Variants in ITGA4 observed in about 807,000 individuals in gnomAD.
ITGA4 encodes the protein integrin alpha-4.
ITGA4 carries 63 observed loss-of-function variants against 133.6 expected under a neutral mutation model. That is an observed-to-expected ratio of 0.47 (90% CI 0.38 to 0.58). ITGA4 has a LOEUF of 0.58. Among genes scored for constraint, ITGA4 ranks in the 20% least tolerant of loss-of-function variants. ITGA4 has a pLI of 0.00. For synonymous variants in ITGA4, 483 were observed against 438.0 expected, an observed-to-expected ratio of 1.10 and a Z score of -1.28; for missense variants, 1,076 against 1,252.7, an observed-to-expected ratio of 0.86 and a Z score of 2.13.
chr2:181,534,603 AG>A (rs17838557), intron 26 of ITGA4, among the ~76,000 whole-genome samples: 15,541 of 151,962 alleles, frequency 0.1, 1,024 homozygotes, highest in East Asian at 0.22. Flanking sequence ...AATAGATTGG[AG>A]GAAAAGTCAT....
intron 9 of ITGA4, among the ~76,000 whole-genome samples, chr2:181,483,288 C>G (rs1305830321): frequency 1.3e-5 from 2 of 152,158 alleles, no homozygotes; most frequent in Admixed American, 1.3e-4. Flanking sequence ...CTTGATAATT[C>G]AAAGACTTCT....
In ITGA4 at chr2:181,537,760, A is replaced by AT. The variant is rs1051278515; in HGVS notation, c.*2234dup. On this transcript the variant is annotated 3_prime_UTR_variant, in exon 28 of 28. Transcript: ENST00000397033. ...ATTGTAAAAAAAAGAATTTGAATTGATATCTAAAAACAGAATTTGAATTGA... is the reference window on the plus strand; with the variant it reads ...ATTGTAAAAAAAAGAATTTGAATTGATTATCTAAAAACAGAATTTGAATTGA... 2 of 446,404 alleles carry AT rather than the reference A, an allele frequency of 4.5e-6. No homozygotes were observed. The highest frequency in any genetic ancestry group is 2.0e-5 in the African/African-American group (1 of 49,512). The allele number at this position is 446,404 out of a possible 1,614,324, so 27.7% of individuals were successfully genotyped here. A position where few individuals can be genotyped will look rare whatever the true frequency, so the allele number is the denominator to read the frequency against.
chr2:181,464,066 G>A (rs143119801), intron 2 of ITGA4, among the ~76,000 whole-genome samples: 128 of 152,116 alleles, frequency 8.4e-4, no homozygotes, highest in African/African-American at 2.8e-3. Flanking sequence ...CCATGCTTGA[G>A]AACCGCTGGA....
intron 2 of ITGA4, among the ~76,000 whole-genome samples, chr2:181,461,586 A>G (rs2052758360): frequency 6.6e-6 from 1 of 152,198 alleles, no homozygotes; most frequent in Non-Finnish European, 1.5e-5. Context: ...TGACTCAATT[A>G]ATATAGTTAA....
intron 4 of ITGA4, among the ~76,000 whole-genome samples, chr2:181,478,122 C>G (rs1164931580): frequency 6.6e-6 from 1 of 151,922 alleles, no homozygotes; most frequent in Non-Finnish European, 1.5e-5. Flanking sequence ...AAGCTAGGCC[C>G]AGAAAGACAA....
chr2:181,504,655 A>G (rs1686355619), intron 15 of ITGA4, among the ~76,000 whole-genome samples: 1 of 152,090 alleles, frequency 6.6e-6, no homozygotes, highest in African/African-American at 2.4e-5. Context: ...ATTAGATTGC[A>G]AGATCTTTGA....
chr2:181,458,210 C>G lies in ITGA4; in HGVS notation c.212C>G (p.Ala71Gly). 1 of 1,613,938 alleles carries G rather than the reference C, an allele frequency of 6.2e-7. No homozygotes were observed. The highest frequency in any genetic ancestry group is 8.5e-7 in the Non-Finnish European group (1 of 1,179,916). ...TCTCGCTTTAGGCTCCTAGTGGGTG[C>G]GCCCACTGCCAACTGGCTCGCCAAC... The part of the protein sequence containing the change: ...HGANRWLLVG[A>G]PTANWLANAS... The change falls in exon 2 of 28, where the codon GCG becomes GGG. Residue 71 changes from alanine to glycine, a missense_variant. Around this residue, in one of 4 missense-constraint regions of ITGA4, gnomAD observed 436 missense variants for 590.7 expected, o/e 0.74. Coordinates refer to ENST00000397033, the MANE Select transcript of ITGA4 (RefSeq NM_000885.6).
At chr2:181,494,395 C>T (rs1242274770) in intron 11 of ITGA4, among the ~76,000 whole-genome samples, 1 of 152,152 alleles carries the variant, frequency 6.6e-6, no homozygotes, top group Non-Finnish European at 1.5e-5. Context: ...CTGCTTGAAC[C>T]CAGGAGTTCA....
At chr2:181,492,338 C>A (rs1173229457) in intron 10 of ITGA4, among the ~76,000 whole-genome samples, 1 of 152,176 alleles carries the variant, frequency 6.6e-6, no homozygotes, top group Non-Finnish European at 1.5e-5. Context: ...CATTGTTTAG[C>A]ATGGAGTTAT....
In ITGA4 at chr2:181,530,214, C is replaced by T. The variant is rs879819921; in HGVS notation, c.2539-310C>T. Among the ~76,000 whole-genome samples the T allele has an allele frequency of 2.2e-4, 34 of 152,304 alleles. No homozygotes were observed. The East Asian group carries it at 5.6e-3, about 25-fold the overall frequency. ...AGAAGAATATGGTGTTATATTGTTT[C>T]GCCTATAAAGGCAAAGAAATATTTA... On this transcript the variant is annotated intron_variant, in intron 23 of 27. Coordinates refer to ENST00000397033, the MANE Select transcript of ITGA4 (RefSeq NM_000885.6).
At chr2:181,511,813 A>AG in intron 17 of ITGA4, 38 bp downstream of exon 17, 1 of 986,016 alleles carries the variant, frequency 1.0e-6, no homozygotes, top group Admixed American at 1.8e-5. Context: ...TTATTCATCG[A>AG]GAGGGTGTAA....
At chr2:181,507,719 T>C (rs1686422332) in intron 15 of ITGA4, among the ~76,000 whole-genome samples, 1 of 152,112 alleles carries the variant, frequency 6.6e-6, no homozygotes, top group Non-Finnish European at 1.5e-5. Context: ...GTAAATGCTA[T>C]GTAAATACTT....
At chr2:181,534,239 C>G (rs536055459) in intron 25 of ITGA4, 33 bp from the exon 26 acceptor site, 23 of 1,262,542 alleles carry the variant, frequency 1.8e-5, no homozygotes, top group Non-Finnish European at 2.5e-5. Flanking sequence ...ATGAAATAAA[C>G]CAGGCTATGG....
rs1685521119 is a variant in ITGA4, at chr2:181,470,440, C to CT, written c.320-4519dup. ...TATTGTTCACAAGCCCAACCATATG[C>CT]TACAACTACCTGGGGGGCTTCAAAA... is the stretch of plus-strand genomic sequence containing the variant. On this transcript the variant is annotated intron_variant, in intron 2 of 27. Coordinates refer to ENST00000397033, the MANE Select transcript of ITGA4 (RefSeq NM_000885.6). Among the ~76,000 whole-genome samples, 9 of 152,204 alleles carry CT rather than the reference C, an allele frequency of 5.9e-5. No individual in the cohort carries two copies. The South Asian group carries it at 1.9e-3, about 32-fold the overall frequency.
intron 17 of ITGA4, among the ~76,000 whole-genome samples, chr2:181,517,543 A>G (rs1241728826): frequency 6.6e-6 from 1 of 152,074 alleles, no homozygotes; most frequent in African/African-American, 2.4e-5. Context: ...TGTTTTAATG[A>G]AGAATGAACT....
chr2:181,529,684 G>A (rs1363623173), intron 23 of ITGA4, 36 bp downstream of exon 23: 1 of 1,066,828 alleles, frequency 9.4e-7, no homozygotes, highest in Middle Eastern at 2.0e-4. Context: ...CCTTTATTGT[G>A]TGTCTTAAAT....
rs771480821 is a variant in ITGA4 at position 181,509,797 on chromosome 2, T to G, written c.1835T>G (p.Met612Arg). The change falls in exon 16 of 28, where the codon ATG becomes AGG. Residue 612 changes from methionine (M) to arginine (R), a missense_variant. Met to Arg is a moderately conservative substitution (Grantham distance 91). Coordinates refer to ENST00000397033, the MANE Select transcript of ITGA4 (RefSeq NM_000885.6). Reference sequence around the variant, plus strand: ...CAGCAGAAGAAAGAAAAAGACATAATGAAAAAAACAGTAGGAATATTTTCC... The same window carrying G: ...CAGCAGAAGAAAGAAAAAGACATAAGGAAAAAAACAGTAGGAATATTTTCC... ...ILQQKKEKDIMKKTINFARFC... is the reference protein window; with the variant it reads ...ILQQKKEKDIRKKTINFARFC... 2 of 1,602,020 alleles carry G rather than the reference T, an allele frequency of 1.2e-6. No homozygotes were observed. The highest frequency in any genetic ancestry group is 2.7e-5 in the African/African-American group (2 of 74,150).
At chr2:181,512,298 G>A (rs1686521982) in intron 17 of ITGA4, among the ~76,000 whole-genome samples, 1 of 152,170 alleles carries the variant, frequency 6.6e-6, no homozygotes, top group South Asian at 2.1e-4. Context: ...CAGTGACAGG[G>A]CAGGGAAACG....
rs1331204395 is a variant in ITGA4, at chr2:181,480,121, T to TA, written c.625-16_625-15insA. 1.0e-5 allele frequency: 16 copies of TA among 1,538,272 alleles called. No individual in the cohort carries two copies. The highest frequency in any genetic ancestry group is 1.3e-5 in the Non-Finnish European group (15 of 1,148,884). Reference sequence around the variant, plus strand: ...AGATTAAAGTTTAAATAATAATAGTTTTTTTTTTCTTACAGGATTTAATTG... The same window carrying TA: ...AGATTAAAGTTTAAATAATAATAGTTATTTTTTTTCTTACAGGATTTAATTG... On this transcript the variant is annotated splice_polypyrimidine_tract_variant and intron_variant, in intron 5 of 27. Coordinates refer to ENST00000397033, the MANE Select transcript of ITGA4 (RefSeq NM_000885.6).
Sources: allele counts gnomAD v4.1 joint callset (sites outside exome capture counted in the v4.1 genomes callset), GRCh38; gene constraint gnomAD v4.1.1; regional missense constraint gnomAD v4.1.1; transcripts MANE v1.5; gene names NCBI Gene and HGNC (gene_info 2026-07-23, HGNC 2026-07-21).